CSMD2: variants seen among roughly 807,000 people sequenced by gnomAD.
CSMD2 encodes the protein CUB and sushi domain-containing protein 2.
A neutral mutation model predicts 398.5 loss-of-function variants in CSMD2; 130 were observed. The ratio of observed to expected loss-of-function variants is 0.33; its 90% CI spans 0.28 to 0.38. CSMD2 has a LOEUF of 0.38. Ranked by LOEUF, CSMD2 falls within the 10% of genes least tolerant of loss-of-function variation. The pLI is 1.00. For missense variants in CSMD2, 3,829 were observed against 4,764.9 expected (o/e 0.80, Z 5.78); for synonymous variants, 1,828 against 1,908.5 (o/e 0.96, Z 1.10).
intron 2 of CSMD2, among the ~76,000 whole-genome samples, chr1:34,034,978 A>G (rs2148163932): frequency 6.6e-6 from 1 of 152,318 alleles, no homozygotes; most frequent in African/African-American, 2.4e-5. Flanking sequence ...ATTAATATAA[A>G]AATGTGAAAA....
At chr1:33,676,930 A>C (rs377276414) in intron 25 of CSMD2, among the ~76,000 whole-genome samples, 2 of 152,174 alleles carry the variant, frequency 1.3e-5, no homozygotes, top group South Asian at 2.1e-4. Context: ...AAACTGGATC[A>C]CTTCCTTACA....
chr1:34,061,059 T>C (rs1346393622), intron 2 of CSMD2, among the ~76,000 whole-genome samples: 2 of 152,160 alleles, frequency 1.3e-5, no homozygotes, highest in Non-Finnish European at 2.9e-5. Flanking sequence ...TCCCAACCCC[T>C]GCAGCAAGCT....
intron 11 of CSMD2, among the ~76,000 whole-genome samples, chr1:33,790,715 TATCATCTATCA>T (rs1654166470): frequency 6.7e-6 from 1 of 150,192 alleles, no homozygotes; most frequent in Non-Finnish European, 1.5e-5. Flanking sequence ...TCTATCTGTC[TATCATCTATCA>T]ATCATCTATC....
intron 5 of CSMD2, among the ~76,000 whole-genome samples, chr1:33,868,393 A>G (rs1212149398): frequency 6.6e-6 from 1 of 152,198 alleles, no homozygotes; most frequent in Non-Finnish European, 1.5e-5. Flanking sequence ...TGGGAATACA[A>G]CAAGGTTCCT....
At position 33,592,475 on chromosome 1, in the gene CSMD2, C is replaced by G. The variant is rs542430845; in HGVS notation, c.6857-5307G>C. On this transcript the variant is annotated intron_variant, in intron 44 of 70. Transcript: ENST00000373381. Reference sequence around the variant, plus strand: ...GTGGAGGGGTGTCACAATGTACAAACAGCTGCCAAGTGCCCTGAGGAGCAG... The same window carrying G: ...GTGGAGGGGTGTCACAATGTACAAAGAGCTGCCAAGTGCCCTGAGGAGCAG... 29 of 717,036 alleles carry G rather than the reference C, an allele frequency of 4.0e-5. No individual in the cohort carries two copies. The South Asian group carries it at 4.3e-4, about 11-fold the overall frequency. The allele number at this position is 717,036 out of a possible 1,614,324, so 44.4% of individuals were successfully genotyped here.
chr1:34,089,932 A>G lies in CSMD2; in HGVS notation c.188-739T>C, dbSNP rs534039094. On this transcript the variant is annotated intron_variant, in intron 1 of 70. Transcript: ENST00000373381. The stretch of plus-strand genomic sequence containing the variant: ...CTCTCTCCTTCACAGCTAAATTTAT[A>G]GAAAACACAATCTGTCTATACTTTC... Among the ~76,000 whole-genome samples, 6 of 152,278 alleles carry G rather than the reference A, an allele frequency of 3.9e-5. No individual in the cohort carries two copies. The South Asian group carries it at 6.2e-4, about 16-fold the overall frequency.
At chr1:34,090,071 G>A (rs565229231) in intron 1 of CSMD2, among the ~76,000 whole-genome samples, 9 of 152,180 alleles carry the variant, frequency 5.9e-5, no homozygotes, top group East Asian at 1.9e-4. Context: ...CTATTTTTCC[G>A]TTTTCTTGTT....
chr1:33,635,150 G>C lies in CSMD2; in HGVS notation c.5086+64C>G, dbSNP rs1642721006. ...ATAATTGGGAGGCGTCTGAGGAATT[G>C]CTCATTTTGGAATGAGGGTGAGGAG... On this transcript the variant is annotated intron_variant, in intron 31 of 70. Transcript: ENST00000373381. The surrounding 1 kb of genome is among the most constrained non-coding windows in gnomAD (Gnocchi z 5.0). 1 of 992,580 alleles carries C rather than the reference G, an allele frequency of 1.0e-6. No individual in the cohort carries two copies. The highest frequency in any genetic ancestry group is 1.6e-6 in the Non-Finnish European group (1 of 632,650). The allele number at this position is 992,580 out of a possible 1,614,324, so 61.5% of individuals were successfully genotyped here. A position where few individuals can be genotyped will look rare whatever the true frequency, so the allele number is the denominator to read the frequency against.
intron 1 of CSMD2, among the ~76,000 whole-genome samples, chr1:34,137,955 C>T (rs1638918321): frequency 6.6e-6 from 1 of 152,190 alleles, no homozygotes; most frequent in African/African-American, 2.4e-5. Context: ...AGCCTTGCCA[C>T]TCCAACAAGC....
Position 34,146,854 on chromosome 1 carries a change from A to T in CSMD2, c.187+18057T>A, listed in dbSNP as rs117707124. On this transcript the variant is annotated intron_variant, in intron 1 of 70. Coordinates refer to ENST00000373381, the MANE Select transcript of CSMD2 (RefSeq NM_001281956.2). ...CAGGAATGAAGACTTCAGTGTGTGG[A>T]GTGGGGAGTTATGCGGTTCTGGAGT... 2.0e-5 allele frequency among the ~76,000 whole-genome samples: 3 copies of T among 152,230 alleles called. No individual in the cohort carries two copies. The East Asian group carries it at 5.8e-4, about 29-fold the overall frequency.
intron 35 of CSMD2, among the ~76,000 whole-genome samples, chr1:33,623,958 C>T (rs970870280): frequency 6.6e-6 from 1 of 152,214 alleles, no homozygotes; most frequent in African/African-American, 2.4e-5. Context: ...CCTCCCTCTG[C>T]CTGGCTCTTA....
At chr1:34,109,455 T>G (rs1213139447) in intron 1 of CSMD2, among the ~76,000 whole-genome samples, 1 of 152,202 alleles carries the variant, frequency 6.6e-6, no homozygotes, top group Non-Finnish European at 1.5e-5. Context: ...ACATTTGGCA[T>G]CTTCATCATG....
chr1:33,945,871 T>C (rs1329230972), intron 3 of CSMD2, among the ~76,000 whole-genome samples: 2 of 152,152 alleles, frequency 1.3e-5, no homozygotes, highest in African/African-American at 2.4e-5. Context: ...GAAAAACACA[T>C]GGAAAATAAG....
At chr1:33,697,449 G>T (rs1178271549) in intron 24 of CSMD2, among the ~76,000 whole-genome samples, 2 of 152,162 alleles carry the variant, frequency 1.3e-5, no homozygotes, top group African/African-American at 2.4e-5. Context: ...TACTGTTTCG[G>T]TCTGTCCACT....
chr1:34,066,013 C>T (rs7544044), intron 2 of CSMD2, among the ~76,000 whole-genome samples: 6,933 of 152,196 alleles, frequency 0.046, 402 homozygotes, highest in African/African-American at 0.13. Flanking sequence ...GTCTGACCAC[C>T]TGGATCAGCC....
chr1:34,052,609 G>C (rs1653335142), intron 2 of CSMD2, among the ~76,000 whole-genome samples: 1 of 151,638 alleles, frequency 6.6e-6, no homozygotes, highest in South Asian at 2.1e-4. Context: ...GGAGAACCCA[G>C]ACTAACACAG....
At chr1:33,548,681 T>C (rs1418930372) in intron 56 of CSMD2, among the ~76,000 whole-genome samples, 1 of 152,258 alleles carries the variant, frequency 6.6e-6, no homozygotes, top group Non-Finnish European at 1.5e-5. Flanking sequence ...TACTTCCTAA[T>C]TGCCTATTCT....
chr1:33,570,469 C>T (rs1351733924), intron 51 of CSMD2, among the ~76,000 whole-genome samples: 2 of 151,924 alleles, frequency 1.3e-5, no homozygotes, highest in South Asian at 4.2e-4. Context: ...GGATCACAGG[C>T]ATTGGAAGAC....
At chr1:33,715,968 C>T (rs747790581) in intron 20 of CSMD2, among the ~76,000 whole-genome samples, 1 of 151,654 alleles carries the variant, frequency 6.6e-6, no homozygotes, top group South Asian at 2.1e-4. Flanking sequence ...AGAAAAATCT[C>T]GAATAACTAA....
Sources: gnomAD v4.1 joint callset for allele counts (sites outside exome capture counted in the v4.1 genomes callset) on GRCh38, gnomAD v4.1.1 for gene constraint, Gnocchi (gnomAD v3.1) non-coding constraint, MANE v1.5 for transcripts, NCBI Gene and HGNC (gene_info 2026-07-23, HGNC 2026-07-21) for gene names.